Variants in MRTFA observed in about 807,000 individuals in gnomAD.
MRTFA encodes myocardin related transcription factor A.
MRTFA carries 20 observed loss-of-function variants against 83.5 expected under a neutral mutation model. The ratio of observed to expected loss-of-function variants is 0.24; its 90% CI spans 0.17 to 0.35. The LOEUF (loss-of-function observed/expected upper bound fraction) is 0.35. Ranked by LOEUF, MRTFA falls within the 10% of genes least tolerant of loss-of-function variation. MRTFA has a pLI of 1.00. For missense variants in MRTFA, 1,200 were observed against 1,224.7 expected (o/e 0.98, Z 0.30); for synonymous variants, 659 against 541.2 (o/e 1.22, Z -3.02).
chr22:40,471,307 G>A (rs2053908677), intron 3 of MRTFA, among the ~76,000 whole-genome samples: 1 of 151,220 alleles, frequency 6.6e-6, no homozygotes, highest in South Asian at 2.1e-4. Flanking sequence ...GGAGGCTGAG[G>A]CAAGAGAATC....
chr22:40,573,616 A>T (rs2055828457), intron 2 of MRTFA, among the ~76,000 whole-genome samples: 1 of 152,068 alleles, frequency 6.6e-6, no homozygotes, highest in African/African-American at 2.4e-5. Context: ...ACTTTTAAGA[A>T]CGAGAGCCAG....
chr22:40,558,082 C>T (rs902655319), intron 2 of MRTFA, among the ~76,000 whole-genome samples: 1 of 150,508 alleles, frequency 6.6e-6, no homozygotes, highest in African/African-American at 2.4e-5. Context: ...CAGCCTTTTT[C>T]TTTCTTTCTT....
chr22:40,567,439 A>G (rs2055722300), intron 2 of MRTFA, among the ~76,000 whole-genome samples: 1 of 152,228 alleles, frequency 6.6e-6, no homozygotes, highest in Non-Finnish European at 1.5e-5. Flanking sequence ...AGAGACCTGA[A>G]TAAATTTAAA....
intron 4 of MRTFA, among the ~76,000 whole-genome samples, chr22:40,438,962 A>G (rs1340039995): frequency 2.0e-5 from 3 of 152,224 alleles, no homozygotes; most frequent in African/African-American, 7.2e-5. Context: ...TTGTATGGAA[A>G]GCACTGTTCT....
chr22:40,498,467 T>G (rs2054400769), intron 3 of MRTFA, among the ~76,000 whole-genome samples: 2 of 150,566 alleles, frequency 1.3e-5, no homozygotes, highest in Non-Finnish European at 3.0e-5. Flanking sequence ...CATTTTTTTG[T>G]AGAGATGAGG....
chr22:40,623,886 C>T (rs993424986), intron 1 of MRTFA, among the ~76,000 whole-genome samples: 6 of 152,058 alleles, frequency 3.9e-5, no homozygotes, highest in Non-Finnish European at 8.8e-5. Context: ...GAGGATGAGG[C>T]GAGAGGATCT....
intron 3 of MRTFA, among the ~76,000 whole-genome samples, chr22:40,533,177 A>C (rs1441450336): frequency 2.0e-5 from 3 of 152,240 alleles, no homozygotes; most frequent in Non-Finnish European, 2.9e-5. Flanking sequence ...ACAAGAAAGA[A>C]CAGCTAAGAA....
At chr22:40,457,505 A>T (rs1305539755) in intron 4 of MRTFA, among the ~76,000 whole-genome samples, 1 of 151,792 alleles carries the variant, frequency 6.6e-6, no homozygotes, top group Non-Finnish European at 1.5e-5. Flanking sequence ...AAAGAAAGAG[A>T]AAGAAAGAAA....
Position 40,411,689 on chromosome 22 carries a change from C to T in MRTFA, c.2797G>A (p.Gly933Arg), listed in dbSNP as rs557098062. ...TCAATGAGGGAAAGGGGCTCTGGCC[C>T]GTCATGCCCACTGGTCAGCAGGGGC... is the stretch of plus-strand genomic sequence containing the variant. The change falls in exon 15 of 15, where the codon GGG (glycine) becomes AGG (arginine). Residue 933 changes from glycine to arginine, a missense_variant. By Grantham distance (125) the Gly-to-Arg change is moderately radical. Transcript: ENST00000355630. 1.0e-5 allele frequency: 16 copies of T among 1,598,944 alleles called. No homozygotes were observed. Among genetic ancestry groups the T allele is most frequent in the East Asian group, 2.2e-5 (1 of 44,600 alleles).
At chr22:40,421,362 A>AC (rs1185961252) in intron 9 of MRTFA, among the ~76,000 whole-genome samples, 1 of 152,144 alleles carries the variant, frequency 6.6e-6, no homozygotes, top group Non-Finnish European at 1.5e-5. Flanking sequence ...CAAAGACATC[A>AC]CCATGACCCC....
At chr22:40,464,504 G>A (rs961927787) in intron 3 of MRTFA, among the ~76,000 whole-genome samples, 32 of 148,600 alleles carry the variant, frequency 2.2e-4, no homozygotes, top group African/African-American at 7.2e-4. Flanking sequence ...GCAAGACCCC[G>A]TCTAAAAAAA....
At chr22:40,502,016 T>C (rs2054490599) in intron 3 of MRTFA, among the ~76,000 whole-genome samples, 1 of 132,098 alleles carries the variant, frequency 7.6e-6, no homozygotes, top group South Asian at 2.6e-4. Flanking sequence ...ACGGGGCAGC[T>C]GGCCAGGCGG....
intron 3 of MRTFA, chr22:40,533,537 AG>A: frequency 9.0e-7 from 1 of 1,116,328 alleles, no homozygotes. Flanking sequence ...GTGGCAAATA[AG>A]ATTTGTAGGA....
At chr22:40,532,251 A>T (rs2147277608) in intron 3 of MRTFA, among the ~76,000 whole-genome samples, 1 of 152,384 alleles carries the variant, frequency 6.6e-6, no homozygotes, top group East Asian at 1.9e-4. Flanking sequence ...AAGAAAAGTT[A>T]CTGGACTGAG....
intron 3 of MRTFA, among the ~76,000 whole-genome samples, chr22:40,481,594 T>C (rs183266373): frequency 6.6e-6 from 1 of 152,222 alleles, no homozygotes; most frequent in Admixed American, 6.5e-5. Context: ...GTGATAATTT[T>C]AGATAGGGTA....
Position 40,418,529 on chromosome 22 carries a change from CG to C in MRTFA, c.2208del (p.Ala737ProfsTer35). ...TGAGGCCCCAGAAGCAACTGGGGGG[CG>C]GGGACCGGCTCGGGCTCAGGCTGCA... On this transcript the variant is annotated frameshift_variant, in exon 12 of 15. Transcript: ENST00000355630. LOFTEE classifies it high-confidence loss of function. The C allele has an allele frequency of 6.3e-7, 1 of 1,586,904 alleles. No individual in the cohort carries two copies.
chr22:40,533,509 T>A, intron 3 of MRTFA: 2 of 837,598 alleles, frequency 2.4e-6, no homozygotes, highest in Non-Finnish European at 3.2e-6. Context: ...ATATGACCCA[T>A]TTTTTTTAAA....
intron 3 of MRTFA, among the ~76,000 whole-genome samples, chr22:40,504,093 T>C (rs2054541476): frequency 6.6e-6 from 1 of 152,202 alleles, no homozygotes; most frequent in Non-Finnish European, 1.5e-5. Flanking sequence ...CTTCTCTGCA[T>C]AAGTTCATTA....
rs540928225 is a variant in MRTFA, at chr22:40,430,205, C to T, written c.440-438G>A. ...CAAAAACAGCTCAAAACTAGACAAA[C>T]GGCTGGGCGTGGTGGCTCACGCTTG... On this transcript the variant is annotated intron_variant, in intron 6 of 14. Coordinates refer to ENST00000355630, the MANE Select transcript of MRTFA (RefSeq NM_020831.6). Among the ~76,000 whole-genome samples, 178 of 152,152 alleles carry T rather than the reference C, an allele frequency of 1.2e-3. 1 individual carries two copies. The highest frequency in any genetic ancestry group is 2.0e-3 in the Non-Finnish European group (137 of 68,038).
Sources: allele counts gnomAD v4.1 joint callset (sites outside exome capture counted in the v4.1 genomes callset), GRCh38; gene constraint gnomAD v4.1.1; transcripts MANE v1.5; gene names NCBI Gene and HGNC (gene_info 2026-07-23, HGNC 2026-07-21).